Variants in PPL observed in about 807,000 individuals in gnomAD.
PPL encodes the protein 190 kDa paraneoplastic pemphigus antigen.
A neutral mutation model predicts 194.4 loss-of-function variants in PPL; 198 were observed. That is an observed-to-expected ratio of 1.02 (90% confidence interval 0.91 to 1.15). PPL has a LOEUF of 1.15. Ranked by LOEUF, PPL falls within the 50% of genes most tolerant of loss-of-function variation. PPL has a pLI of 0.00. For missense variants in PPL, 2,885 were observed against 2,294.8 expected, an observed-to-expected ratio of 1.26 and a Z score of -5.25; for synonymous variants, 1,220 against 972.4, an observed-to-expected ratio of 1.25 and a Z score of -4.74.
chr16:4,914,692 G>C (rs1278719803), intron 1 of PPL, among the ~76,000 whole-genome samples: 1 of 152,202 alleles, frequency 6.6e-6, no homozygotes, highest in Non-Finnish European at 1.5e-5. Flanking sequence ...ATATGTTCAT[G>C]AGCCAGCAAA....
intron 1 of PPL, among the ~76,000 whole-genome samples, chr16:4,929,333 C>G (rs1409704785): frequency 6.6e-6 from 1 of 152,076 alleles, no homozygotes; most frequent in Non-Finnish European, 1.5e-5. Flanking sequence ...TCTTCTTCCT[C>G]TCCCAGACCT....
At chr16:4,910,251 G>C (rs2088791984) in intron 2 of PPL, among the ~76,000 whole-genome samples, 1 of 152,236 alleles carries the variant, frequency 6.6e-6, no homozygotes, top group Admixed American at 6.5e-5. Flanking sequence ...GGTGGAGAAA[G>C]ACCTGCACCC....
intron 18 of PPL, 25 bp from the exon 19 acceptor site, chr16:4,889,086 AAACT>A: frequency 6.2e-7 from 1 of 1,604,838 alleles, no homozygotes; most frequent in South Asian, 1.1e-5. Context: ...TTAAAAATCA[AAACT>A]AACCAGAAAA....
chr16:4,885,002 G>C lies in PPL; in HGVS notation c.3653C>G (p.Ala1218Gly). 1.2e-6 allele frequency: 2 copies of C among 1,613,904 alleles called. No individual in the cohort carries two copies. Among genetic ancestry groups the C allele is most frequent in the Non-Finnish European group, 1.7e-6 (2 of 1,180,008 alleles). ...QLRSYQSELE[A>G]LRRRGPQVEV... Reference sequence around the variant, plus strand: ...CACCTGGGGGCCTCGCCTCCTGAGGGCCTCCAGCTCACTCTGGTAGCTCCG... The same window carrying C: ...CACCTGGGGGCCTCGCCTCCTGAGGCCCTCCAGCTCACTCTGGTAGCTCCG... Residue 1218 changes from alanine (A) to glycine (G), a missense_variant, in exon 22 of 22, where the codon GCC becomes GGC. By Grantham distance (60) the Ala-to-Gly change is moderately conservative. Transcript: ENST00000345988. The surrounding 1 kb of genome is among the most constrained non-coding windows in gnomAD (Gnocchi z 6.3).
At chr16:4,922,269 TGA>T (rs1322660861) in intron 1 of PPL, among the ~76,000 whole-genome samples, 25 of 152,266 alleles carry the variant, frequency 1.6e-4, no homozygotes, top group Non-Finnish European at 2.9e-5. Context: ...TGGGGGTGAC[TGA>T]GAGAACAGAT....
At position 4,892,988 on chromosome 16, in the gene PPL, G is replaced by A. The variant is rs148803671; in HGVS notation, c.1650+225C>T. 580 of 527,900 alleles carry A rather than the reference G, an allele frequency of 1.1e-3. 2 individuals carry two copies. Among genetic ancestry groups the A allele is most frequent in the African/African-American group, 6.4e-3 (331 of 51,480 alleles). 32.7% of individuals were successfully genotyped at this position (527,900 alleles called of 1,614,324 possible). On this transcript the variant is annotated intron_variant, in intron 14 of 21. Transcript: ENST00000345988. ...ATGCCAGGCGTCAGATCGACAAGCCGTGCAGGAACAATGCAAGTCCTGCCA... is the reference window on the plus strand; with the variant it reads ...ATGCCAGGCGTCAGATCGACAAGCCATGCAGGAACAATGCAAGTCCTGCCA...
intron 1 of PPL, among the ~76,000 whole-genome samples, chr16:4,912,093 T>C (rs1013306747): frequency 6.6e-6 from 1 of 152,210 alleles, no homozygotes; most frequent in Non-Finnish European, 1.5e-5. Context: ...CTGTTTAAAA[T>C]ACACAGTCAC....
chr16:4,884,502 G>A lies in PPL; in HGVS notation c.4153C>T (p.Leu1385=), dbSNP rs762330009. Residue 1385 remains leucine (L), a synonymous_variant, in exon 22 of 22, where the codon CTG becomes TTG. Transcript: ENST00000345988. The surrounding 1 kb of genome is among the most constrained non-coding windows in gnomAD (Gnocchi z 5.7). ...IDVELRQIDK[L]RAELRRLQRR... The stretch of plus-strand genomic sequence containing the variant: ...TGCAGCCGCCGCAGCTCTGCCCGCA[G>A]CTTGTCAATCTGCCGCAGCTCCACA... The A allele has an allele frequency of 8.1e-6, 13 of 1,608,878 alleles. No individual in the cohort carries two copies. The highest frequency in any genetic ancestry group is 1.0e-5 in the Non-Finnish European group (12 of 1,179,166).
chr16:4,898,974 C>T lies in PPL; in HGVS notation c.876+39G>A, dbSNP rs554328892. The T allele has an allele frequency of 2.5e-6, 4 of 1,580,246 alleles. No individual in the cohort carries two copies. The East Asian group carries it at 9.0e-5, about 36-fold the overall frequency. On this transcript the variant is annotated intron_variant, in intron 8 of 21. Transcript: ENST00000345988. ...CCCACAGGCAGCGGCCAACCAGAAG[C>T]CACCCTGGGGGAGGTGTCTGGTCTC...
chr16:4,931,088 G>A (rs1568066560), intron 1 of PPL, among the ~76,000 whole-genome samples: 1 of 152,188 alleles, frequency 6.6e-6, no homozygotes, highest in South Asian at 2.1e-4. Flanking sequence ...AAGGGCCTGC[G>A]TGCAGTGGCT....
At chr16:4,895,094 G>A (rs1049385751) in intron 11 of PPL, among the ~76,000 whole-genome samples, 167 bp downstream of exon 11, 1 of 152,204 alleles carries the variant, frequency 6.6e-6, no homozygotes, top group Non-Finnish European at 1.5e-5. Context: ...CGAGGTGGGG[G>A]CGGCATAGGG....
chr16:4,920,351 G>GAAAA (rs1358088881), intron 1 of PPL, among the ~76,000 whole-genome samples: 1 of 70,666 alleles, frequency 1.4e-5, no homozygotes, highest in Non-Finnish European at 4.6e-5. Context: ...GAGAGAGAAA[G>GAAAA]AAAGAAAGAA....
At chr16:4,927,064 C>A (rs1280427135) in intron 1 of PPL, among the ~76,000 whole-genome samples, 1 of 151,942 alleles carries the variant, frequency 6.6e-6, no homozygotes, top group African/African-American at 2.4e-5. Flanking sequence ...AAATAGGGCA[C>A]TATGGTGGAG....
Position 4,888,108 on chromosome 16 carries a change from C to G in PPL, c.2508G>C (p.Lys836Asn). 6.2e-7 allele frequency: 1 copy of G among 1,612,554 alleles called. No individual in the cohort carries two copies. The highest frequency in any genetic ancestry group is 8.5e-7 in the Non-Finnish European group (1 of 1,178,556). ...CCTGGCCCATGGAACTCACCTCTTC[C>G]TTCACTTTGGTGGCAGGAGATTGGA... ...ARLQSPATKV[K>N]EEEAALAAKF... Residue 836 changes from lysine (K) to asparagine (N), a missense_variant, in exon 20 of 22, where the codon AAG becomes AAC. Coordinates refer to ENST00000345988, the MANE Select transcript of PPL (RefSeq NM_002705.5).
chr16:4,895,097 G>A (rs999940447), intron 11 of PPL, among the ~76,000 whole-genome samples, 164 bp downstream of exon 11: 3 of 152,190 alleles, frequency 2.0e-5, no homozygotes, highest in Admixed American at 1.3e-4. Context: ...GGTGGGGGCG[G>A]CATAGGGGTG....
At chr16:4,897,810 ACT>A (rs767538232) in intron 8 of PPL, 40 bp from the exon 9 acceptor site, 1 of 1,529,744 alleles carries the variant, frequency 6.5e-7, no homozygotes. Flanking sequence ...CTGGGCAGGT[ACT>A]GCAGACACCA....
chr16:4,932,440 C>T (rs1279951444), intron 1 of PPL, among the ~76,000 whole-genome samples: 4 of 150,216 alleles, frequency 2.7e-5, no homozygotes, highest in African/African-American at 4.9e-5. Context: ...GACGGAGTCT[C>T]GCTCTGTCTC....
In PPL at chr16:4,895,667, G is replaced by A. The variant is rs147541355; in HGVS notation, c.1022C>T (p.Ser341Leu). ...AGGGCCATACTTCTGGTTCAGGTCC[G>A]AGTCCACCTTGCGCAGCAGCTCCTG... The part of the protein sequence containing the change: ...DAQELLRKVD[S>L]DLNQKYGPDF... Residue 341 changes from serine to leucine, a missense_variant, in exon 10 of 22, where the codon TCG becomes TTG. Physicochemically the swap from Ser to Leu is moderately radical, Grantham distance 145 (BLOSUM62 -2). Transcript: ENST00000345988. The A allele has an allele frequency of 1.2e-5, 20 of 1,613,894 alleles. No individual in the cohort carries two copies. The highest frequency in any genetic ancestry group is 2.7e-5 in the African/African-American group (2 of 74,936).
intron 16 of PPL, 108 bp downstream of exon 16, chr16:4,891,702 TG>T: frequency 1.1e-5 from 15 of 1,408,860 alleles, no homozygotes; most frequent in Non-Finnish European, 1.3e-5. Context: ...ATTCCAAACC[TG>T]GGGAGACTGG....
Sources: allele counts gnomAD v4.1 joint callset (sites outside exome capture counted in the v4.1 genomes callset), GRCh38; gene constraint gnomAD v4.1.1; non-coding constraint Gnocchi (gnomAD v3.1); transcripts MANE v1.5; gene names NCBI Gene and HGNC (gene_info 2026-07-23, HGNC 2026-07-21).